Variants in SIPA1L1 observed in about 807,000 individuals in gnomAD.
SIPA1L1 encodes signal-induced proliferation-associated 1-like protein 1.
A neutral mutation model predicts 162.7 loss-of-function variants in SIPA1L1; 26 were observed. That is an observed-to-expected ratio of 0.16 (90% CI 0.12 to 0.22). The LOEUF (loss-of-function observed/expected upper bound fraction) is 0.22, where lower values mean the gene tolerates loss of function less well. Ranked by LOEUF, SIPA1L1 falls within the 10% of genes least tolerant of loss-of-function variation. The pLI is 1.00. For synonymous variants in SIPA1L1, 829 were observed against 837.4 expected (o/e 0.99, Z 0.17); for missense variants, 1,874 against 2,241.0 (o/e 0.84, Z 3.31).
At chr14:71,610,569 A>G (rs1288062781) in intron 5 of SIPA1L1, among the ~76,000 whole-genome samples, 2 of 152,196 alleles carry the variant, frequency 1.3e-5, no homozygotes, top group Admixed American at 6.5e-5. Flanking sequence ...ACTATTGGCC[A>G]TTTGTCATAG....
chr14:71,337,759 G>A (rs564761939), intron 2 of SIPA1L1, among the ~76,000 whole-genome samples: 1 of 152,224 alleles, frequency 6.6e-6, no homozygotes, highest in Non-Finnish European at 1.5e-5. Context: ...TTGGAGACCA[G>A]CCTGGGCAAC....
At chr14:71,376,710 C>T (rs931343512) in intron 2 of SIPA1L1, among the ~76,000 whole-genome samples, 5 of 152,004 alleles carry the variant, frequency 3.3e-5, no homozygotes, top group African/African-American at 7.3e-5. Flanking sequence ...GAGGACCCTG[C>T]GGCCTTCCTT....
At position 71,352,550 on chromosome 14, in the gene SIPA1L1, A is replaced by G. The variant is rs550853668; in HGVS notation, c.-465+31369A>G. Among the ~76,000 whole-genome samples, 3 of 152,324 alleles carry G rather than the reference A, an allele frequency of 2.0e-5. 1 individual carries two copies. The East Asian group carries it at 5.8e-4, about 29-fold the overall frequency. On this transcript the variant is annotated intron_variant, in intron 2 of 23. Transcript: ENST00000381232. ...TACCAACATTGATTTGGTGAGATCC[A>G]TCTATGCTCTTACAAGTATTTGTAG...
In SIPA1L1 at chr14:71,733,757, C is replaced by T. The variant is rs986138322; in HGVS notation, c.4953C>T (p.Asp1651=). 1.2e-6 allele frequency: 2 copies of T among 1,613,612 alleles called. No individual in the cohort carries two copies. The highest frequency in any genetic ancestry group is 1.7e-6 in the Non-Finnish European group (2 of 1,180,034). Residue 1651 remains aspartate, a synonymous_variant, in exon 21 of 24, where the codon GAC becomes GAT. Coordinates refer to ENST00000381232, the MANE Select transcript of SIPA1L1 (RefSeq NM_001386936.1). ...MPDPGLMPLP[D]TAADLDWSNL... ...ACCCTGGCCTGATGCCCCTGCCTGA[C>T]ACTGCTGCAGACTTGGATTGGTCCA... is the stretch of plus-strand genomic sequence containing the variant.
chr14:71,642,966 C>CAA (rs546178056), intron 7 of SIPA1L1, among the ~76,000 whole-genome samples: 4 of 103,590 alleles, frequency 3.9e-5, no homozygotes, highest in Non-Finnish European at 4.2e-5. Context: ...AAACAATTGC[C>CAA]AAAAAAAAAA....
chr14:71,331,270 T>C (rs943069803), intron 2 of SIPA1L1, among the ~76,000 whole-genome samples: 5 of 152,270 alleles, frequency 3.3e-5, no homozygotes, highest in African/African-American at 1.2e-4. Flanking sequence ...TCTGTTTTTA[T>C]GCCATTATCA....
At chr14:71,328,757 A>G (rs773111229) in intron 2 of SIPA1L1, among the ~76,000 whole-genome samples, 4 of 152,232 alleles carry the variant, frequency 2.6e-5, no homozygotes, top group Non-Finnish European at 5.9e-5. Flanking sequence ...TGATAATTGT[A>G]TGTTGGCACT....
intron 2 of SIPA1L1, among the ~76,000 whole-genome samples, chr14:71,359,326 T>C (rs1030103214): frequency 6.6e-6 from 1 of 152,226 alleles, no homozygotes; most frequent in African/African-American, 2.4e-5. Flanking sequence ...CCCAGCCATG[T>C]GGAACTGTGA....
intron 4 of SIPA1L1, among the ~76,000 whole-genome samples, chr14:71,555,782 G>C (rs1327886924): frequency 6.6e-6 from 1 of 152,108 alleles, no homozygotes; most frequent in Non-Finnish European, 1.5e-5. Flanking sequence ...TCAGAGACTA[G>C]AGAGCCCAAA....
chr14:71,607,999 ATTCT>A (rs2037729792), intron 5 of SIPA1L1, among the ~76,000 whole-genome samples: 1 of 152,202 alleles, frequency 6.6e-6, no homozygotes, highest in Non-Finnish European at 1.5e-5. Flanking sequence ...TGAGACCCTC[ATTCT>A]GAGCCCTGAA....
chr14:71,461,593 C>T (rs1297729600), intron 2 of SIPA1L1, among the ~76,000 whole-genome samples: 2 of 152,216 alleles, frequency 1.3e-5, no homozygotes, highest in Non-Finnish European at 2.9e-5. Context: ...TTCTTTGTCA[C>T]CAATTTTCCA....
At chr14:71,565,361 GT>G (rs2030232322) in intron 4 of SIPA1L1, among the ~76,000 whole-genome samples, 1 of 152,150 alleles carries the variant, frequency 6.6e-6, no homozygotes, top group African/African-American at 2.4e-5. Context: ...TTTTCCTTAT[GT>G]GCTCTTAATT....
At chr14:71,343,660 G>T (rs2035877406) in intron 2 of SIPA1L1, among the ~76,000 whole-genome samples, 1 of 152,036 alleles carries the variant, frequency 6.6e-6, no homozygotes, top group South Asian at 2.1e-4. Context: ...AAGCAGAACA[G>T]AGCTCTGTCC....
At position 71,739,280 on chromosome 14, in the gene SIPA1L1, C is replaced by G. The variant is rs532604078; in HGVS notation, c.*119C>G. The G allele has an allele frequency of 7.3e-6, 7 of 960,514 alleles. No individual in the cohort carries two copies. Among genetic ancestry groups the G allele is most frequent in the African/African-American group, 3.2e-5 (2 of 61,708 alleles). The allele number at this position is 960,514 out of a possible 1,614,324, so 59.5% of individuals were successfully genotyped here. On this transcript the variant is annotated 3_prime_UTR_variant, in exon 24 of 24. Coordinates refer to ENST00000381232, the MANE Select transcript of SIPA1L1 (RefSeq NM_001386936.1). ...ACCTTCCCTGGCTTCCTACTCTGCC[C>G]CCTTTCGGGGAGTGCACAACACAAT...
intron 2 of SIPA1L1, among the ~76,000 whole-genome samples, chr14:71,396,967 T>A (rs1436562570): frequency 3.9e-5 from 6 of 152,230 alleles, no homozygotes; most frequent in African/African-American, 1.2e-4. Flanking sequence ...AATTATTTAC[T>A]GACGTTTTTT....
intron 5 of SIPA1L1, among the ~76,000 whole-genome samples, chr14:71,612,899 T>C (rs1422694914): frequency 1.3e-5 from 2 of 152,214 alleles, no homozygotes; most frequent in Admixed American, 1.3e-4. Context: ...TTACCTGGAA[T>C]ATTTTAATGA....
chr14:71,484,821 A>G (rs902909271), intron 2 of SIPA1L1, among the ~76,000 whole-genome samples: 5 of 152,248 alleles, frequency 3.3e-5, no homozygotes, highest in Non-Finnish European at 5.9e-5. Flanking sequence ...TAAAAAGTGA[A>G]CAGAGCTAAA....
At chr14:71,326,177 G>A (rs2033772539) in intron 2 of SIPA1L1, among the ~76,000 whole-genome samples, 1 of 150,788 alleles carries the variant, frequency 6.6e-6, no homozygotes, top group Non-Finnish European at 1.5e-5. Context: ...AACAGGTATA[G>A]TCATTGATGG....
intron 3 of SIPA1L1, among the ~76,000 whole-genome samples, chr14:71,516,533 T>C (rs2051744714): frequency 6.6e-6 from 1 of 152,166 alleles, no homozygotes; most frequent in Non-Finnish European, 1.5e-5. Flanking sequence ...ACTACTGGCA[T>C]GTGTCACCAT....
Sources: allele counts gnomAD v4.1 joint callset (sites outside exome capture counted in the v4.1 genomes callset), GRCh38; gene constraint gnomAD v4.1.1; transcripts MANE v1.5; gene names NCBI Gene and HGNC (gene_info 2026-07-23, HGNC 2026-07-21).